Variants in JAKMIP2 observed in about 807,000 individuals in gnomAD.
JAKMIP2 encodes the protein janus kinase and microtubule interacting protein 2.
A neutral mutation model predicts 115.0 loss-of-function variants in JAKMIP2; 25 were observed. The observed-to-expected ratio is 0.22, with a 90% CI of 0.16 to 0.30. The LOEUF is 0.30. JAKMIP2 is among the 10% of genes least tolerant of loss of function. The pLI is 1.00. For synonymous variants in JAKMIP2, 334 were observed against 343.6 expected, an observed-to-expected ratio of 0.97 and a Z score of 0.31; for missense variants, 642 against 957.6, an observed-to-expected ratio of 0.67 and a Z score of 4.35.
chr5:147,762,763 T>C (rs1225923847), intron 1 of JAKMIP2, among the ~76,000 whole-genome samples: 1 of 152,160 alleles, frequency 6.6e-6, no homozygotes, highest in Non-Finnish European at 1.5e-5. Flanking sequence ...TAACAGGTTG[T>C]TTCCCAATTT....
In JAKMIP2 at chr5:147,629,899, T is replaced by C. The variant is rs573200381; in HGVS notation, c.1876-153A>G. Among the ~76,000 whole-genome samples, 25 of 152,178 alleles carry C rather than the reference T, an allele frequency of 1.6e-4. 1 individual carries two copies. The highest frequency in any genetic ancestry group is 1.4e-3 in the Admixed American group (22 of 15,274). ...ACCTAGTTTTAAGTTTCAATTTTGC[T>C]TCTTACATGCTGTGTGAACTTGGGT... On this transcript the variant is annotated intron_variant, in intron 14 of 21. Transcript: ENST00000616793.
chr5:147,712,406 C>T lies in JAKMIP2; in HGVS notation c.-148-40452G>A, dbSNP rs577263281. 2.6e-5 allele frequency among the ~76,000 whole-genome samples: 4 copies of T among 152,198 alleles called. No homozygotes were observed. The East Asian group carries it at 7.7e-4, about 29-fold the overall frequency. The stretch of plus-strand genomic sequence containing the variant: ...AATGTGATAGTGCCTTTTTAAAATC[C>T]ATTGTTTTATAAATTCTTGTTTCTA... On this transcript the variant is annotated intron_variant, in intron 1 of 21. Transcript: ENST00000616793.
chr5:147,723,310 A>G (rs757497669), intron 1 of JAKMIP2, among the ~76,000 whole-genome samples: 2 of 152,180 alleles, frequency 1.3e-5, no homozygotes, highest in Non-Finnish European at 2.9e-5. Flanking sequence ...TACTTTTCAA[A>G]CTAACATGTA....
At chr5:147,724,259 G>A (rs1753428815) in intron 1 of JAKMIP2, among the ~76,000 whole-genome samples, 1 of 152,030 alleles carries the variant, frequency 6.6e-6, no homozygotes, top group South Asian at 2.1e-4. Context: ...TACCATCTAA[G>A]GTGCCATATG....
At chr5:147,598,484 A>T (rs1277375382) in intron 21 of JAKMIP2, among the ~76,000 whole-genome samples, 1 of 152,010 alleles carries the variant, frequency 6.6e-6, no homozygotes, top group Non-Finnish European at 1.5e-5. Context: ...TCATCTATCT[A>T]TCTATCTATG....
chr5:147,634,268 C>T (rs953814953), intron 12 of JAKMIP2, among the ~76,000 whole-genome samples: 26 of 151,872 alleles, frequency 1.7e-4, no homozygotes, highest in African/African-American at 6.3e-4. Context: ...CTCCTTTAGC[C>T]CAAAAAGATT....
chr5:147,775,239 A>G (rs1257997728), intron 1 of JAKMIP2, among the ~76,000 whole-genome samples: 1 of 152,188 alleles, frequency 6.6e-6, no homozygotes, highest in Non-Finnish European at 1.5e-5. Flanking sequence ...CAAAACTCTC[A>G]TGAAAGCAGG....
chr5:147,664,029 A>G (rs149435983), intron 2 of JAKMIP2, among the ~76,000 whole-genome samples: 42 of 152,298 alleles, frequency 2.8e-4, no homozygotes, highest in African/African-American at 9.6e-4. Context: ...TCGTTTTTAT[A>G]TTGCTTACAT....
At chr5:147,702,439 T>TTGGA (rs1752364333) in intron 1 of JAKMIP2, among the ~76,000 whole-genome samples, 1 of 85,686 alleles carries the variant, frequency 1.2e-5, no homozygotes, top group Non-Finnish European at 2.0e-5. Flanking sequence ...GGAAGGAAGG[T>TTGGA]AGGAAGGAAG....
At position 147,633,235 on chromosome 5, in the gene JAKMIP2, A is replaced by C. The variant is rs192501689; in HGVS notation, c.1678-457T>G. ...TTACTACAGAAGAAACCAGCTCTTTAACACTGAATTCAAAAACCTTAATAA... is the reference window on the plus strand; with the variant it reads ...TTACTACAGAAGAAACCAGCTCTTTCACACTGAATTCAAAAACCTTAATAA... On this transcript the variant is annotated intron_variant, in intron 12 of 21. Coordinates refer to ENST00000616793, the MANE Select transcript of JAKMIP2 (RefSeq NM_001270941.2). Among the ~76,000 whole-genome samples the C allele has an allele frequency of 1.0e-3, 153 of 152,328 alleles. 1 individual carries two copies. Among genetic ancestry groups the C allele is most frequent in the African/African-American group, 3.7e-3 (153 of 41,574 alleles).
intron 1 of JAKMIP2, among the ~76,000 whole-genome samples, chr5:147,694,168 A>AT (rs1449244908): frequency 1.3e-5 from 2 of 152,198 alleles, no homozygotes; most frequent in African/African-American, 4.8e-5. Flanking sequence ...CTCAGATTTA[A>AT]TGTTGACTTG....
At chr5:147,667,860 G>A (rs762773356) in intron 2 of JAKMIP2, among the ~76,000 whole-genome samples, 3 of 152,074 alleles carry the variant, frequency 2.0e-5, no homozygotes, top group Non-Finnish European at 2.9e-5. Context: ...AGAAAATGTT[G>A]GTTGATTTTC....
chr5:147,744,785 C>A (rs1308307922), intron 1 of JAKMIP2, among the ~76,000 whole-genome samples: 2 of 152,174 alleles, frequency 1.3e-5, no homozygotes, highest in East Asian at 1.9e-4. Flanking sequence ...TAGGGCCAGG[C>A]ACAGTGGCTT....
intron 2 of JAKMIP2, among the ~76,000 whole-genome samples, chr5:147,662,972 T>G (rs1050970325): frequency 1.3e-5 from 2 of 149,010 alleles, no homozygotes; most frequent in African/African-American, 2.5e-5. Flanking sequence ...GGAGACAGAG[T>G]GAGATTCTGT....
chr5:147,733,795 C>G lies in JAKMIP2; in HGVS notation c.-149+48661G>C, dbSNP rs553793336. Among the ~76,000 whole-genome samples the G allele has an allele frequency of 8.5e-5, 13 of 152,282 alleles. No homozygotes were observed. In the South Asian group the frequency reaches 2.7e-3, roughly 32 times the overall value. On this transcript the variant is annotated intron_variant, in intron 1 of 21. Coordinates refer to ENST00000616793, the MANE Select transcript of JAKMIP2 (RefSeq NM_001270941.2). ...CATGTCCCTACAAAGGACACAAACTCATCCTTTTTTATGGCTGCATAGTAT... is the reference window on the plus strand; with the variant it reads ...CATGTCCCTACAAAGGACACAAACTGATCCTTTTTTATGGCTGCATAGTAT...
chr5:147,588,943 T>C lies in JAKMIP2; in HGVS notation c.*2764A>G, dbSNP rs1370290838. The C allele has an allele frequency of 1.3e-5, 2 of 152,104 alleles. No homozygotes were observed. Among genetic ancestry groups the C allele is most frequent in the African/African-American group, 4.8e-5 (2 of 41,436 alleles). 9.4% of individuals were successfully genotyped at this position (152,104 alleles called of 1,614,324 possible). A position where few individuals can be genotyped will look rare whatever the true frequency, so the allele number is the denominator to read the frequency against. On this transcript the variant is annotated 3_prime_UTR_variant, in exon 22 of 22. Transcript: ENST00000616793. ...AAGGTGTGTGTTGGAGCAGACGGAA[T>C]ATAGATTTACTCATATGGGCCCTGC...
At chr5:147,642,286 A>G (rs760336468) in intron 7 of JAKMIP2, among the ~76,000 whole-genome samples, 2 of 152,116 alleles carry the variant, frequency 1.3e-5, no homozygotes, top group African/African-American at 4.8e-5. Flanking sequence ...GGAGCCATTT[A>G]GTGTTTCTGT....
chr5:147,594,546 C>G (rs1161860892), intron 21 of JAKMIP2: 4 of 378,452 alleles, frequency 1.1e-5, no homozygotes, highest in Admixed American at 7.5e-5. Flanking sequence ...GTTTCCCAGG[C>G]TGGTCTTAAA....
chr5:147,707,754 C>T (rs555479511), intron 1 of JAKMIP2, among the ~76,000 whole-genome samples: 15 of 152,208 alleles, frequency 9.9e-5, no homozygotes, highest in African/African-American at 3.1e-4. Flanking sequence ...ACTAAATTTA[C>T]GGTGAGTCAA....
Sources: gnomAD v4.1 joint callset for allele counts (sites outside exome capture counted in the v4.1 genomes callset) on GRCh38, gnomAD v4.1.1 for gene constraint, MANE v1.5 for transcripts, NCBI Gene and HGNC (gene_info 2026-07-23, HGNC 2026-07-21) for gene names.